Variants in PLA2G4A observed in about 807,000 individuals in gnomAD.
PLA2G4A encodes phospholipase A2 group IVA, also known as cytosolic phospholipase A2.
A neutral mutation model predicts 81.9 loss-of-function variants in PLA2G4A; 40 were observed. The observed-to-expected ratio is 0.49, with a 90% confidence interval of 0.38 to 0.64. The LOEUF is 0.64. Ranked by LOEUF, PLA2G4A falls within the 30% of genes least tolerant of loss-of-function variation. The pLI is 0.00. For synonymous variants in PLA2G4A, 302 were observed against 296.9 expected, an observed-to-expected ratio of 1.02 and a Z score of -0.18; for missense variants, 715 against 905.1, an observed-to-expected ratio of 0.79 and a Z score of 2.69.
At chr1:186,847,415 G>A (rs1308630648) in intron 1 of PLA2G4A, among the ~76,000 whole-genome samples, 1 of 150,938 alleles carries the variant, frequency 6.6e-6, no homozygotes, top group Non-Finnish European at 1.5e-5. Flanking sequence ...AATTCTGCCC[G>A]GTTTTGTCAA....
chr1:186,860,032 G>T (rs1275360718), intron 2 of PLA2G4A, among the ~76,000 whole-genome samples: 1 of 152,056 alleles, frequency 6.6e-6, no homozygotes, highest in Non-Finnish European at 1.5e-5. Flanking sequence ...GACTGTAAAT[G>T]AGTTAATAAT....
chr1:186,843,144 T>A (rs1241004458), intron 1 of PLA2G4A, among the ~76,000 whole-genome samples: 4 of 152,186 alleles, frequency 2.6e-5, no homozygotes, highest in African/African-American at 9.7e-5. Flanking sequence ...TTTCCAAATC[T>A]GTTTTTTTTA....
chr1:186,916,698 C>A (rs987326925), intron 7 of PLA2G4A, among the ~76,000 whole-genome samples: 2 of 152,130 alleles, frequency 1.3e-5, no homozygotes, highest in Admixed American at 1.3e-4. Flanking sequence ...CTGTCGTTTC[C>A]TGGGCTACAT....
chr1:186,891,424 T>C (rs908620667), intron 3 of PLA2G4A, among the ~76,000 whole-genome samples: 1 of 152,052 alleles, frequency 6.6e-6, no homozygotes, highest in Admixed American at 6.6e-5. Flanking sequence ...TTTTTTTGTA[T>C]CCATTAACCA....
intron 1 of PLA2G4A, among the ~76,000 whole-genome samples, chr1:186,837,322 T>G (rs149606355): frequency 3.4e-4 from 51 of 152,166 alleles, no homozygotes; most frequent in African/African-American, 1.2e-3. Context: ...CAAATAACCC[T>G]TCAGAGAAGT....
intron 1 of PLA2G4A, among the ~76,000 whole-genome samples, chr1:186,830,962 CTTTCTTTCTT>C (rs1651548560): frequency 7.3e-5 from 2 of 27,318 alleles, no homozygotes; most frequent in Admixed American, 9.1e-4. Context: ...TGCTTGCTTT[CTTTCTTTCTT>C]TCTTTCTTTC....
chr1:186,849,423 G>A (rs1652297503), intron 1 of PLA2G4A, among the ~76,000 whole-genome samples: 1 of 152,084 alleles, frequency 6.6e-6, no homozygotes. Context: ...TCACGGAAGG[G>A]TTCTCTGTGG....
intron 3 of PLA2G4A, among the ~76,000 whole-genome samples, chr1:186,875,660 A>T (rs1253418835): frequency 6.6e-6 from 1 of 151,998 alleles, no homozygotes; most frequent in Non-Finnish European, 1.5e-5. Flanking sequence ...TTAATTGGTG[A>T]TTGTGTGATA....
chr1:186,882,596 A>G (rs943338241), intron 3 of PLA2G4A, among the ~76,000 whole-genome samples: 2 of 152,090 alleles, frequency 1.3e-5, no homozygotes, highest in Non-Finnish European at 2.9e-5. Flanking sequence ...TAGAGGGAGA[A>G]CCTTGGGTTT....
At chr1:186,939,761 C>A (rs988502847) in intron 9 of PLA2G4A, among the ~76,000 whole-genome samples, 2 of 152,110 alleles carry the variant, frequency 1.3e-5, no homozygotes, top group Non-Finnish European at 2.9e-5. Context: ...CAGATGTAGA[C>A]ATATAATCTA....
chr1:186,969,254 T>A (rs920906882), intron 15 of PLA2G4A, among the ~76,000 whole-genome samples: 3 of 96,486 alleles, frequency 3.1e-5, no homozygotes, highest in Non-Finnish European at 6.1e-5. Flanking sequence ...TTCATATCAG[T>A]TTTTTAAATT....
At chr1:186,834,221 A>G (rs557758939) in intron 1 of PLA2G4A, among the ~76,000 whole-genome samples, 1 of 152,208 alleles carries the variant, frequency 6.6e-6, no homozygotes, top group East Asian at 1.9e-4. Flanking sequence ...TGAAAAAAAA[A>G]TCAGAGGCCC....
At chr1:186,876,172 G>C (rs1225976216) in intron 3 of PLA2G4A, among the ~76,000 whole-genome samples, 1 of 152,054 alleles carries the variant, frequency 6.6e-6, no homozygotes, top group Non-Finnish European at 1.5e-5. Flanking sequence ...GATGCATGTT[G>C]AACATTTATA....
chr1:186,875,485 G>A (rs1284769050), intron 3 of PLA2G4A, among the ~76,000 whole-genome samples: 1 of 151,874 alleles, frequency 6.6e-6, no homozygotes, highest in Non-Finnish European at 1.5e-5. Context: ...GAGAAAACAA[G>A]AACATATTTT....
chr1:186,865,091 C>CATAT (rs34405767), intron 2 of PLA2G4A, among the ~76,000 whole-genome samples: 2,112 of 147,104 alleles, frequency 0.014, 57 homozygotes, highest in African/African-American at 0.05. Flanking sequence ...AAAATATATA[C>CATAT]ATATATATAT....
intron 15 of PLA2G4A, among the ~76,000 whole-genome samples, chr1:186,973,445 T>C (rs917403099): frequency 1.3e-5 from 2 of 152,170 alleles, no homozygotes; most frequent in African/African-American, 4.8e-5. Flanking sequence ...CTTAATTAAA[T>C]TACATTTGCA....
At chr1:186,901,001 A>G (rs1479843368) in intron 5 of PLA2G4A, among the ~76,000 whole-genome samples, 2 of 152,174 alleles carry the variant, frequency 1.3e-5, no homozygotes, top group South Asian at 2.1e-4. Context: ...GAAAAAAAGA[A>G]GGGAGTTTTT....
At chr1:186,894,244 T>C (rs556286283) in intron 5 of PLA2G4A, 33 bp downstream of exon 5, 2 of 795,544 alleles carry the variant, frequency 2.5e-6, no homozygotes, top group Non-Finnish European at 4.4e-6. Flanking sequence ...ATTCCAACCT[T>C]ATGTTAGATA....
intron 15 of PLA2G4A, among the ~76,000 whole-genome samples, chr1:186,974,811 A>G (rs1657476274): frequency 6.6e-6 from 1 of 152,180 alleles, no homozygotes; most frequent in Non-Finnish European, 1.5e-5. Context: ...ACAGAGAGAA[A>G]CCAGACATCA....
Sources: allele counts gnomAD v4.1 joint callset (sites outside exome capture counted in the v4.1 genomes callset), GRCh38; gene constraint gnomAD v4.1.1; transcripts MANE v1.5; gene names NCBI Gene and HGNC (gene_info 2026-07-23, HGNC 2026-07-21).